TTC17: variants seen among roughly 807,000 people sequenced by gnomAD.
TTC17 encodes tetratricopeptide repeat domain 17, also known as tetratricopeptide repeat protein 17.
A neutral mutation model predicts 143.8 loss-of-function variants in TTC17; 58 were observed. The ratio of observed to expected loss-of-function variants is 0.40; its 90% CI spans 0.33 to 0.50. The LOEUF (loss-of-function observed/expected upper bound fraction) is 0.50, where lower values mean the gene tolerates loss of function less well. Ranked by LOEUF, TTC17 falls within the 20% of genes least tolerant of loss-of-function variation. TTC17 has a pLI of 0.49. For missense variants in TTC17, 1,273 were observed against 1,392.5 expected, an observed-to-expected ratio of 0.91 and a Z score of 1.37; for synonymous variants, 501 against 497.8, an observed-to-expected ratio of 1.01 and a Z score of -0.09.
At chr11:43,390,997 C>A (rs1398628689) in intron 3 of TTC17, among the ~76,000 whole-genome samples, 1 of 152,076 alleles carries the variant, frequency 6.6e-6, no homozygotes, top group Admixed American at 6.6e-5. Flanking sequence ...ATTCAAACTC[C>A]CAAAATGTTT....
rs529704398 is a variant in TTC17, at chr11:43,426,583, A to T, written c.2251+11807A>T. Among the ~76,000 whole-genome samples, 9 of 152,342 alleles carry T rather than the reference A, an allele frequency of 5.9e-5. No individual in the cohort carries two copies. The East Asian group carries it at 1.7e-3, about 29-fold the overall frequency. On this transcript the variant is annotated intron_variant, in intron 16 of 23. Transcript: ENST00000039989. ...TAACATTGTTTGATAGAGGGACTTC[A>T]GCGGGATTTTTTAAACTTTGGTTTG...
intron 2 of TTC17, among the ~76,000 whole-genome samples, chr11:43,381,922 G>T (rs1565135518): frequency 6.6e-6 from 1 of 152,192 alleles, no homozygotes. Flanking sequence ...GTTTGGCTTT[G>T]AAATGTTAAC....
At chr11:43,404,480 TA>T (rs977300448) in intron 11 of TTC17, among the ~76,000 whole-genome samples, 2 of 152,216 alleles carry the variant, frequency 1.3e-5, no homozygotes, top group Non-Finnish European at 2.9e-5. Context: ...GGCATTCTTT[TA>T]TTGAACTCCC....
At chr11:43,372,439 A>G (rs1377976336) in intron 1 of TTC17, among the ~76,000 whole-genome samples, 1 of 151,722 alleles carries the variant, frequency 6.6e-6, no homozygotes, top group African/African-American at 2.4e-5. Context: ...AGTAGCTGGG[A>G]TTACAGGTAC....
intron 1 of TTC17, among the ~76,000 whole-genome samples, chr11:43,367,131 A>T (rs995925679): frequency 6.6e-6 from 1 of 152,212 alleles, no homozygotes; most frequent in Non-Finnish European, 1.5e-5. Context: ...TATTTTAGTC[A>T]TCTGGGGACT....
At chr11:43,473,666 G>C (rs1948130823) in intron 21 of TTC17, among the ~76,000 whole-genome samples, 1 of 152,092 alleles carries the variant, frequency 6.6e-6, no homozygotes, top group Non-Finnish European at 1.5e-5. Context: ...CTTGAGGTCA[G>C]GAGTTCTAAA....
At chr11:43,430,709 G>GCACACACACA (rs10658685) in intron 16 of TTC17, among the ~76,000 whole-genome samples, 7,025 of 138,418 alleles carry the variant, frequency 0.051, 259 homozygotes, top group Middle Eastern at 0.077. Flanking sequence ...CTACATACAC[G>GCACACACACA]CACACACACA....
At chr11:43,445,953 G>C in intron 18 of TTC17, 1 of 1,446,516 alleles carries the variant, frequency 6.9e-7, no homozygotes, top group Non-Finnish European at 9.4e-7. Flanking sequence ...GGAAGACCAG[G>C]AAAGTGCCAT....
intron 21 of TTC17, among the ~76,000 whole-genome samples, chr11:43,465,833 T>C (rs1161471328): frequency 6.6e-6 from 1 of 151,516 alleles, no homozygotes; most frequent in Non-Finnish European, 1.5e-5. Context: ...ACTGTACAAC[T>C]CTTGGAAGAA....
chr11:43,426,061 G>A (rs1053288784), intron 16 of TTC17, among the ~76,000 whole-genome samples: 4 of 152,216 alleles, frequency 2.6e-5, no homozygotes, highest in African/African-American at 4.8e-5. Flanking sequence ...AAGAGCTAGA[G>A]GTCCGTAGCA....
intron 1 of TTC17, among the ~76,000 whole-genome samples, chr11:43,367,781 CTG>C (rs1856406638): frequency 6.6e-6 from 1 of 151,336 alleles, no homozygotes; most frequent in Non-Finnish European, 1.5e-5. Flanking sequence ...AAAGAGTTAT[CTG>C]TGCTCGTGGA....
rs190026542 is a variant in TTC17 at position 43,403,622 on chromosome 11, C to T, written c.1333-376C>T. 1.3e-3 allele frequency among the ~76,000 whole-genome samples: 196 copies of T among 152,202 alleles called. 1 individual carries two copies. Among genetic ancestry groups the T allele is most frequent in the African/African-American group, 4.3e-3 (177 of 41,530 alleles). On this transcript the variant is annotated intron_variant, in intron 10 of 23. Coordinates refer to ENST00000039989, the MANE Select transcript of TTC17 (RefSeq NM_018259.6). ...AAGTTCCCTCGCCTCTACCCACACACGGCACACCAATTTTAGAGTGGTGAG... is the reference window on the plus strand; with the variant it reads ...AAGTTCCCTCGCCTCTACCCACACATGGCACACCAATTTTAGAGTGGTGAG...
chr11:43,440,645 C>CTT (rs1947395870), intron 16 of TTC17, among the ~76,000 whole-genome samples: 1 of 152,128 alleles, frequency 6.6e-6, no homozygotes, highest in African/African-American at 2.4e-5. Flanking sequence ...TCTGTCTTCT[C>CTT]TTTCCTTGTC....
At position 43,398,134 on chromosome 11, in the gene TTC17, C is replaced by G. The variant is rs1195566585; in HGVS notation, c.1058+21C>G. On this transcript the variant is annotated intron_variant, in intron 8 of 23. Coordinates refer to ENST00000039989, the MANE Select transcript of TTC17 (RefSeq NM_018259.6). ...CATAGGTAATTGAGAGGAAAAATTTCACTCAAGCATTAGCACTATCGAACC... is the reference window on the plus strand; with the variant it reads ...CATAGGTAATTGAGAGGAAAAATTTGACTCAAGCATTAGCACTATCGAACC... The G allele has an allele frequency of 4.3e-6, 7 of 1,613,022 alleles. No individual in the cohort carries two copies. The African/African-American group carries it at 6.7e-5, about 15-fold the overall frequency.
intron 16 of TTC17, among the ~76,000 whole-genome samples, chr11:43,435,912 T>A (rs950766537): frequency 3.3e-5 from 5 of 152,218 alleles, no homozygotes; most frequent in African/African-American, 1.2e-4. Flanking sequence ...TTGATCTTTG[T>A]TGTTACAGTT....
rs1373712304 is a variant in TTC17, at chr11:43,359,032, C to T, written c.78C>T (p.Ser26=). Residue 26 remains serine, a synonymous_variant, in exon 1 of 24, where the codon TCC becomes TCT. Transcript: ENST00000039989. ...CSGPGWLLSL[S]ALLSVAARGA... ...GCCCAGGCTGGCTCCTCAGCCTTTCCGCCTTGCTGAGTGTGGCGGCACGAG... is the reference window on the plus strand; with the variant it reads ...GCCCAGGCTGGCTCCTCAGCCTTTCTGCCTTGCTGAGTGTGGCGGCACGAG... 4.4e-6 allele frequency: 7 copies of T among 1,591,114 alleles called. No individual in the cohort carries two copies. The highest frequency in any genetic ancestry group is 4.1e-5 in the African/African-American group (3 of 73,124).
intron 21 of TTC17, among the ~76,000 whole-genome samples, chr11:43,453,384 AAGAG>A (rs547152003): frequency 1.3e-5 from 2 of 152,156 alleles, no homozygotes; most frequent in African/African-American, 2.4e-5. Context: ...AGAAAAAAAA[AAGAG>A]AGAAAGAAAG....
chr11:43,418,846 A>G (rs533769101), intron 16 of TTC17, among the ~76,000 whole-genome samples: 62 of 152,288 alleles, frequency 4.1e-4, no homozygotes, highest in African/African-American at 1.5e-3. Context: ...CTTTCCAAGC[A>G]TTTATTACCG....
chr11:43,418,219 G>GC (rs1421532339), intron 16 of TTC17, among the ~76,000 whole-genome samples: 3 of 152,138 alleles, frequency 2.0e-5, no homozygotes, highest in Non-Finnish European at 4.4e-5. Flanking sequence ...TGTATTGGCT[G>GC]CCATTTGTTA....
Sources: gnomAD v4.1 joint callset for allele counts (sites outside exome capture counted in the v4.1 genomes callset) on GRCh38, gnomAD v4.1.1 for gene constraint, MANE v1.5 for transcripts, NCBI Gene and HGNC (gene_info 2026-07-23, HGNC 2026-07-21) for gene names.